The following PCDHA2 variants were observed in gnomAD, a reference collection of about 807,000 sequenced individuals.
PCDHA2 encodes protocadherin alpha-2.
In PCDHA2, 58 loss-of-function variants were observed where a neutral mutation model predicts 66.0. The observed-to-expected ratio is 0.88, with a 90% CI of 0.71 to 1.09. PCDHA2 has a LOEUF of 1.09. PCDHA2 is among the 50% of genes least tolerant of loss of function. The probability of loss-of-function intolerance (pLI) is 0.00; values close to 1 mark genes in which losing one functional copy is unlikely to be tolerated. For missense variants in PCDHA2, 1,267 were observed against 1,242.3 expected (o/e 1.02, Z -0.30); for synonymous variants, 634 against 554.0 (o/e 1.14, Z -2.03).
chr5:140,879,787 T>C (rs1409881516), intron 1 of PCDHA2, among the ~76,000 whole-genome samples: 2 of 152,204 alleles, frequency 1.3e-5, no homozygotes. Flanking sequence ...AATCTGGTTT[T>C]TGTTTCTTCC....
intron 1 of PCDHA2, chr5:140,868,100 ATTTAT>A (rs2153230738): frequency 1.3e-5 from 2 of 152,260 alleles, no homozygotes; most frequent in South Asian, 2.1e-4. Context: ...TGATAATAAA[ATTTAT>A]TTTATAGTTG....
At position 140,879,675 on chromosome 5, in the gene PCDHA2, G is replaced by T. The variant is rs141369145; in HGVS notation, c.2388+82323G>T. ...TATAACAAACGAACACAAACTGGGT[G>T]CTGTAAAACAGCAAAAGTTTATTAT... On this transcript the variant is annotated intron_variant, in intron 1 of 3. Transcript: ENST00000526136. 5.3e-5 allele frequency among the ~76,000 whole-genome samples: 8 copies of T among 152,360 alleles called. No homozygotes were observed. The East Asian group carries it at 1.3e-3, about 26-fold the overall frequency.
intron 1 of PCDHA2, among the ~76,000 whole-genome samples, chr5:140,922,977 G>C (rs935363543): frequency 3.9e-5 from 6 of 152,204 alleles, no homozygotes; most frequent in Non-Finnish European, 5.9e-5. Context: ...GCATATCTCA[G>C]ACAATAGGCA....
chr5:140,961,025 C>G (rs1283958205), intron 1 of PCDHA2, among the ~76,000 whole-genome samples: 1 of 152,150 alleles, frequency 6.6e-6, no homozygotes, highest in African/African-American at 2.4e-5. Context: ...CACTTGCTAC[C>G]TCCTTGTTTT....
intron 1 of PCDHA2, among the ~76,000 whole-genome samples, chr5:140,937,638 CATGGTGG>C (rs1563162054): frequency 2.0e-5 from 3 of 150,048 alleles, no homozygotes; most frequent in South Asian, 4.2e-4. Flanking sequence ...AAAGGCAGGG[CATGGTGG>C]CTCACGCCTG....
At chr5:140,932,349 C>A (rs2088248613) in intron 1 of PCDHA2, among the ~76,000 whole-genome samples, 1 of 151,900 alleles carries the variant, frequency 6.6e-6, no homozygotes, top group Admixed American at 6.6e-5. Flanking sequence ...ACTTACCATA[C>A]AACTGGCCTT....
chr5:140,859,875 T>G (rs1554152798), intron 1 of PCDHA2: 1 of 152,066 alleles, frequency 6.6e-6, no homozygotes, highest in East Asian at 1.9e-4. Flanking sequence ...CTTCCCCCTC[T>G]GATATTTTGA....
At chr5:140,858,042 T>C in intron 1 of PCDHA2, 1 of 1,597,284 alleles carries the variant, frequency 6.3e-7, no homozygotes, top group Non-Finnish European at 8.6e-7. Context: ...GCCACTGTGC[T>C]TGTGTCGCTT....
chr5:140,953,576 C>T (rs1466296429), intron 1 of PCDHA2, among the ~76,000 whole-genome samples: 1 of 152,090 alleles, frequency 6.6e-6, no homozygotes, highest in Non-Finnish European at 1.5e-5. Flanking sequence ...CCTCCTCTCC[C>T]AAAACTGCCT....
intron 1 of PCDHA2, among the ~76,000 whole-genome samples, chr5:140,798,582 T>G (rs1762341806): frequency 6.6e-6 from 1 of 152,214 alleles, no homozygotes; most frequent in Non-Finnish European, 1.5e-5. Flanking sequence ...AGAGATTGAC[T>G]ACTTTTTTCT....
intron 1 of PCDHA2, chr5:140,851,839 C>A (rs1452848183): frequency 2.1e-6 from 2 of 969,740 alleles, no homozygotes; most frequent in East Asian, 1.1e-4. Context: ...TTAAAAATAT[C>A]TTTTTCTCCT....
intron 1 of PCDHA2, among the ~76,000 whole-genome samples, chr5:140,901,586 T>C (rs550614771): frequency 9.2e-5 from 14 of 152,348 alleles, no homozygotes; most frequent in African/African-American, 3.4e-4. Context: ...AGTGCCATGA[T>C]GTTTTGGTTA....
At chr5:140,849,667 C>T in intron 1 of PCDHA2, 1 of 1,598,692 alleles carries the variant, frequency 6.3e-7, no homozygotes, top group South Asian at 1.1e-5. Context: ...TCCCTGACGC[C>T]CCACGTCCCC....
intron 1 of PCDHA2, chr5:140,829,142 G>A (rs2150162942): frequency 1.2e-6 from 2 of 1,613,390 alleles, no homozygotes; most frequent in South Asian, 1.1e-5. Flanking sequence ...CCCTGAGATA[G>A]CACTGACTTC....
At chr5:140,941,506 G>A (rs556309408) in intron 1 of PCDHA2, among the ~76,000 whole-genome samples, 3 of 151,236 alleles carry the variant, frequency 2.0e-5, no homozygotes, top group Non-Finnish European at 4.4e-5. Flanking sequence ...TAGTAGAGAC[G>A]AGGTTTCACC....
chr5:140,874,545 A>G (rs1362898895), intron 1 of PCDHA2, among the ~76,000 whole-genome samples: 1 of 152,240 alleles, frequency 6.6e-6, no homozygotes, highest in Non-Finnish European at 1.5e-5. Context: ...AAAACCCTTT[A>G]AGAGATCTTT....
At chr5:140,972,170 C>G (rs1001419960) in intron 1 of PCDHA2, among the ~76,000 whole-genome samples, 2 of 152,034 alleles carry the variant, frequency 1.3e-5, no homozygotes, top group African/African-American at 4.8e-5. Flanking sequence ...GAGACAGAGT[C>G]TTGGCCTGTC....
At chr5:140,960,764 A>C (rs1383623742) in intron 1 of PCDHA2, among the ~76,000 whole-genome samples, 7 of 152,164 alleles carry the variant, frequency 4.6e-5, no homozygotes, top group African/African-American at 1.7e-4. Flanking sequence ...CAAGAGTTAC[A>C]GAGGAGAAAT....
chr5:140,836,501 G>T (rs2150262509), intron 1 of PCDHA2: 1 of 1,613,864 alleles, frequency 6.2e-7, no homozygotes, highest in Admixed American at 1.7e-5. Context: ...CCATCTGCGC[G>T]GTGTCCAGTC....
Sources: allele counts gnomAD v4.1 joint callset (sites outside exome capture counted in the v4.1 genomes callset), GRCh38; gene constraint gnomAD v4.1.1; transcripts MANE v1.5; gene names NCBI Gene and HGNC (gene_info 2026-07-23, HGNC 2026-07-21).